MAGI1: variants seen among roughly 807,000 people sequenced by gnomAD.
MAGI1 encodes the protein membrane associated guanylate kinase, WW and PDZ domain containing 1, also known as membrane-associated guanylate kinase, WW and PDZ domain-containing protein 1.
In MAGI1, 58 loss-of-function variants were observed where a neutral mutation model predicts 139.9. The ratio of observed to expected loss-of-function variants is 0.41; its 90% CI spans 0.34 to 0.52. MAGI1 has a LOEUF of 0.52. Ranked by LOEUF, MAGI1 falls within the 20% of genes least tolerant of loss-of-function variation. The pLI is 0.12. For synonymous variants in MAGI1, 812 were observed against 737.9 expected (o/e 1.10, Z -1.63); for missense variants, 1,874 against 1,901.6 (o/e 0.99, Z 0.27).
chr3:65,874,592 T>C (rs976573889), intron 1 of MAGI1: 4 of 152,150 alleles, frequency 2.6e-5, no homozygotes, highest in East Asian at 3.9e-4. Context: ...ACACCTTTGA[T>C]TGGTGTACAA....
At position 65,423,001 on chromosome 3, in the gene MAGI1, G is replaced by A. The variant is rs145690827; in HGVS notation, c.2167+6519C>T. 5.3e-5 allele frequency among the ~76,000 whole-genome samples: 8 copies of A among 152,266 alleles called. No homozygotes were observed. The East Asian group carries it at 1.4e-3, about 26-fold the overall frequency. ...TGGAGGAAGCACTGAGACCTGTTGCGAGGCCACTGCAAGGCCAGGTGCCCT... is the reference window on the plus strand; with the variant it reads ...TGGAGGAAGCACTGAGACCTGTTGCAAGGCCACTGCAAGGCCAGGTGCCCT... On this transcript the variant is annotated intron_variant, in intron 12 of 22. Coordinates refer to ENST00000402939, the MANE Select transcript of MAGI1 (RefSeq NM_001033057.2).
At chr3:65,644,539 G>A (rs2085156015) in intron 1 of MAGI1, among the ~76,000 whole-genome samples, 1 of 151,892 alleles carries the variant, frequency 6.6e-6, no homozygotes, top group Non-Finnish European at 1.5e-5. Context: ...CAGCCTGAGT[G>A]ACAGAGTAAG....
intron 1 of MAGI1, among the ~76,000 whole-genome samples, chr3:65,923,681 T>C (rs1305684422): frequency 1.3e-5 from 2 of 152,102 alleles, no homozygotes; most frequent in Admixed American, 6.6e-5. Flanking sequence ...TTAAGTGAGA[T>C]GAGAGTTAAC....
At position 65,354,879 on chromosome 3, in the gene MAGI1, T is replaced by C. The variant is rs1575586441; in HGVS notation, c.*1499A>G. On this transcript the variant is annotated 3_prime_UTR_variant, in exon 23 of 23. Coordinates refer to ENST00000402939, the MANE Select transcript of MAGI1 (RefSeq NM_001033057.2). The stretch of plus-strand genomic sequence containing the variant: ...CTCTGTACACGCAATGATTGGCTGG[T>C]TTTCTTTTTTTTTTTCTTTTTCCTT... 2 of 152,302 alleles carry C rather than the reference T, an allele frequency of 1.3e-5. No homozygotes were observed. Among genetic ancestry groups the C allele is most frequent in the African/African-American group, 4.8e-5 (2 of 41,350 alleles). 9.4% of individuals were successfully genotyped at this position (152,302 alleles called of 1,614,324 possible).
chr3:65,823,763 ATGT>A (rs752773167), intron 1 of MAGI1, among the ~76,000 whole-genome samples: 1 of 152,224 alleles, frequency 6.6e-6, no homozygotes, highest in Non-Finnish European at 1.5e-5. Flanking sequence ...AGCCTGTACA[ATGT>A]GCCAGAGCTG....
At chr3:65,858,983 G>A (rs1168959404) in intron 1 of MAGI1, among the ~76,000 whole-genome samples, 1 of 152,160 alleles carries the variant, frequency 6.6e-6, no homozygotes, top group African/African-American at 2.4e-5. Flanking sequence ...ATGAGAAGAA[G>A]GAATCATGTA....
chr3:65,747,744 G>A (rs573443858), intron 1 of MAGI1, among the ~76,000 whole-genome samples: 98 of 152,204 alleles, frequency 6.4e-4, no homozygotes, highest in South Asian at 1.5e-3. Flanking sequence ...AGGAGAAGGC[G>A]TCCATGGAGA....
intron 1 of MAGI1, among the ~76,000 whole-genome samples, chr3:65,675,318 T>C (rs1230315168): frequency 2.0e-5 from 3 of 152,178 alleles, no homozygotes; most frequent in Admixed American, 6.5e-5. Flanking sequence ...ATTTCAAGAA[T>C]AGTAGAAGAT....
intron 13 of MAGI1, among the ~76,000 whole-genome samples, chr3:65,394,804 G>C (rs976749335): frequency 6.6e-6 from 1 of 152,256 alleles, no homozygotes; most frequent in East Asian, 1.9e-4. Context: ...AAGTCAACTT[G>C]TGTGCATTTT....
chr3:65,945,852 GTTC>G (rs776918736), intron 1 of MAGI1, among the ~76,000 whole-genome samples: 9 of 152,236 alleles, frequency 5.9e-5, no homozygotes, highest in Non-Finnish European at 1.2e-4. Flanking sequence ...GGCTGAAGTT[GTTC>G]TTCTAACACT....
intron 1 of MAGI1, among the ~76,000 whole-genome samples, chr3:65,713,731 G>A (rs893894256): frequency 1.4e-4 from 21 of 152,134 alleles, no homozygotes; most frequent in Admixed American, 1.3e-4. Flanking sequence ...TTTTGTGTGT[G>A]CCTACTACGT....
intron 5 of MAGI1, among the ~76,000 whole-genome samples, chr3:65,466,164 C>T (rs1950159166): frequency 6.6e-6 from 1 of 152,126 alleles, no homozygotes; most frequent in Admixed American, 6.5e-5. Flanking sequence ...GGTATAACTG[C>T]TTGCTGAAGT....
At chr3:65,752,768 A>C (rs1187699789) in intron 1 of MAGI1, among the ~76,000 whole-genome samples, 1 of 152,166 alleles carries the variant, frequency 6.6e-6, no homozygotes, top group African/African-American at 2.4e-5. Flanking sequence ...AATCCTACTC[A>C]GTCATATCCC....
At chr3:65,957,180 CAT>C (rs1056252115) in intron 1 of MAGI1, among the ~76,000 whole-genome samples, 10 of 151,872 alleles carry the variant, frequency 6.6e-5, no homozygotes, top group African/African-American at 2.2e-4. Context: ...AAGTAGGACA[CAT>C]GAGTAAATGT....
intron 2 of MAGI1, among the ~76,000 whole-genome samples, chr3:65,497,864 G>T (rs929397635): frequency 6.6e-6 from 1 of 152,166 alleles, no homozygotes; most frequent in African/African-American, 2.4e-5. Flanking sequence ...TGCTTAGGAT[G>T]CCTTAGAGCA....
rs1228124839 is a variant in MAGI1, at chr3:65,714,884, A to T, written c.314-92796T>A. ...AGCCTGGCAGTTTCTTCTGTTCCTC[A>T]CTACAGGAAAAATAGTATAGATATT... is the stretch of plus-strand genomic sequence containing the variant. On this transcript the variant is annotated intron_variant, in intron 1 of 22. Coordinates refer to ENST00000402939, the MANE Select transcript of MAGI1 (RefSeq NM_001033057.2). Among the ~76,000 whole-genome samples the T allele has an allele frequency of 3.3e-5, 5 of 152,250 alleles. No individual in the cohort carries two copies. The South Asian group carries it at 6.2e-4, about 19-fold the overall frequency.
In MAGI1 at chr3:65,776,706, C is replaced by A. The variant is rs553229847; in HGVS notation, c.314-154618G>T. Among the ~76,000 whole-genome samples, 11 of 152,312 alleles carry A rather than the reference C, an allele frequency of 7.2e-5. No homozygotes were observed. The South Asian group carries it at 2.3e-3, about 32-fold the overall frequency. Reference sequence around the variant, plus strand: ...AGAAAACGGTACTCCCCCCGCAACACACACACAGAATAACCACGAATTTAA... The same window carrying A: ...AGAAAACGGTACTCCCCCCGCAACAAACACACAGAATAACCACGAATTTAA... On this transcript the variant is annotated intron_variant, in intron 1 of 22. Transcript: ENST00000402939.
intron 1 of MAGI1, among the ~76,000 whole-genome samples, chr3:65,921,040 AC>A (rs965097615): frequency 1.3e-4 from 20 of 152,110 alleles, no homozygotes; most frequent in East Asian, 5.8e-4. Context: ...AAAAAAAAAA[AC>A]AAAATGGAAT....
chr3:65,444,166 G>A (rs1053827387), intron 7 of MAGI1, among the ~76,000 whole-genome samples: 4 of 152,152 alleles, frequency 2.6e-5, no homozygotes, highest in African/African-American at 9.7e-5. Flanking sequence ...AAGTTTTAAA[G>A]AAGTCTTTGA....
Sources: gnomAD v4.1 joint callset for allele counts (sites outside exome capture counted in the v4.1 genomes callset) on GRCh38, gnomAD v4.1.1 for gene constraint, MANE v1.5 for transcripts, NCBI Gene and HGNC (gene_info 2026-07-23, HGNC 2026-07-21) for gene names.